SEC16A: variants seen among roughly 807,000 people sequenced by gnomAD.
SEC16A encodes SEC16 homolog A, endoplasmic reticulum export factor, also known as protein transport protein Sec16A.
A neutral mutation model predicts 221.9 loss-of-function variants in SEC16A; 110 were observed. The observed-to-expected ratio is 0.50, with a 90% CI of 0.42 to 0.58. The LOEUF is 0.58. Ranked by LOEUF, SEC16A falls within the 20% of genes least tolerant of loss-of-function variation. The pLI is 0.00. For missense variants in SEC16A, 3,165 were observed against 3,097.8 expected (o/e 1.02, Z -0.52); for synonymous variants, 1,393 against 1,257.7 (o/e 1.11, Z -2.28).
At position 136,466,765 on chromosome 9, in the gene SEC16A, C is replaced by T. The variant is rs1020075644; in HGVS notation, c.3929+192G>A. The stretch of plus-strand genomic sequence containing the variant: ...CAGTCCTCTTGCTGAGGCCAGTTCT[C>T]CTCTAACAGTCCAAGCTGGGAACCC... On this transcript the variant is annotated intron_variant, in intron 6 of 31. Coordinates refer to ENST00000684901, the MANE Select transcript of SEC16A (RefSeq NM_014866.2). The surrounding 1 kb of genome is among the most constrained non-coding windows in gnomAD (Gnocchi z 5.5). 1.3e-5 allele frequency among the ~76,000 whole-genome samples: 2 copies of T among 152,206 alleles called. No homozygotes were observed. The highest frequency in any genetic ancestry group is 2.9e-5 in the Non-Finnish European group (2 of 68,040).
intron 12 of SEC16A, among the ~76,000 whole-genome samples, chr9:136,462,505 T>A (rs1304259470): frequency 6.6e-6 from 1 of 152,140 alleles, no homozygotes. Flanking sequence ...CCCTCCCAAC[T>A]CCCAATGACT....
Position 136,453,529 on chromosome 9 carries a change from G to A in SEC16A, c.6077-19C>T, listed in dbSNP as rs780451876. 1 of 1,598,992 alleles carries A rather than the reference G, an allele frequency of 6.3e-7. No homozygotes were observed. Among genetic ancestry groups the A allele is most frequent in the Non-Finnish European group, 8.6e-7 (1 of 1,166,886 alleles). On this transcript the variant is annotated intron_variant, in intron 21 of 31. Coordinates refer to ENST00000684901, the MANE Select transcript of SEC16A (RefSeq NM_014866.2). ...ACTATCCCTGTCAACGGGAAAGAGA[G>A]CAACTATGATCTCAGTCACGAGAAG...
upstream of SEC16A, chr9:136,483,670 G>A (rs1053393676): frequency 5.1e-6 from 5 of 985,502 alleles, no homozygotes; most frequent in South Asian, 1.9e-4. Flanking sequence ...AAATCAGTCT[G>A]CAGGACCGAT....
intron 31 of SEC16A, 62 bp from the exon 32 acceptor site, chr9:136,441,885 TGC>T (rs1836236838): frequency 6.9e-7 from 1 of 1,442,346 alleles, no homozygotes; most frequent in South Asian, 1.1e-5. Flanking sequence ...AGTGCTCGGC[TGC>T]AGCGTGGCAG....
chr9:136,456,105 A>C lies in SEC16A; in HGVS notation c.5612T>G (p.Leu1871Trp). Residue 1871 changes from leucine to tryptophan, a missense_variant, in exon 19 of 32, where the codon TTG (leucine) becomes TGG (tryptophan). Leu to Trp is a moderately conservative substitution (Grantham distance 61, BLOSUM62 -2). Around this residue, in one of 3 missense-constraint regions of SEC16A, gnomAD observed 1,088 missense variants for 1,089.6 expected, o/e 1.00. Coordinates refer to ENST00000684901, the MANE Select transcript of SEC16A (RefSeq NM_014866.2). ...GTGAACCAGCCACGTGGGTGCGGCCAAGGACTCCTCTTCTGGCTTCTCTTT... is the reference window on the plus strand; with the variant it reads ...GTGAACCAGCCACGTGGGTGCGGCCCAGGACTCCTCTTCTGGCTTCTCTTT... ...QLKEKPEEES[L>W]AAPTWLVHLQ... 1 of 1,612,956 alleles carries C rather than the reference A, an allele frequency of 6.2e-7. No homozygotes were observed. The highest frequency in any genetic ancestry group is 8.5e-7 in the Non-Finnish European group (1 of 1,179,826).
At position 136,464,511 on chromosome 9, in the gene SEC16A, G is replaced by A. The variant is rs761133373; in HGVS notation, c.4355C>T (p.Ala1452Val). ...AAGCTGACCGCCAGGGCCAAACCTG[G>A]CACAGACATGAGGCACTGAAAATTT... ...PEKFSVPHVC[A>V]RFGPGGQLIK... is the part of the protein sequence containing the mutation. Residue 1452 changes from alanine to valine, a missense_variant, in exon 9 of 32, where the codon GCC becomes GTC. Ala to Val is a moderately conservative substitution (Grantham distance 64). Transcript: ENST00000684901. 1 of 1,611,664 alleles carries A rather than the reference G, an allele frequency of 6.2e-7. No individual in the cohort carries two copies. The highest frequency in any genetic ancestry group is 1.1e-5 in the South Asian group (1 of 91,038).
At chr9:136,463,826 C>A in intron 9 of SEC16A, 86 bp from the exon 10 acceptor site, 4 of 1,455,336 alleles carry the variant, frequency 2.7e-6, no homozygotes, top group Non-Finnish European at 3.8e-6. Flanking sequence ...GGATGCTGCC[C>A]GTGAGAGGAG....
At chr9:136,483,177 C>T, upstream of SEC16A, 1 of 272,090 alleles carries the variant, frequency 3.7e-6, no homozygotes, top group Non-Finnish European at 5.6e-6. Flanking sequence ...CATCCCTCGG[C>T]CCCGCCCCTC....
In SEC16A at chr9:136,447,365, C is replaced by A. The variant is rs764580929; in HGVS notation, c.6560-1G>T. ...TCAACGTAGCGAGCTCTGGTTCCTG[C>A]TGCAAAGGGGAGGGAAGCAAATTGA... On this transcript the variant is annotated splice_acceptor_variant, in intron 26 of 31. Transcript: ENST00000684901. LOFTEE classifies it high-confidence loss of function. The surrounding 1 kb of genome is among the most constrained non-coding windows in gnomAD (Gnocchi z 5.5). The A allele has an allele frequency of 1.9e-6, 3 of 1,598,242 alleles. No homozygotes were observed. The highest frequency in any genetic ancestry group is 2.6e-6 in the Non-Finnish European group (3 of 1,172,942).
rs1839216673 is a variant in SEC16A at position 136,459,734 on chromosome 9, G to A, written c.5191+23C>T. On this transcript the variant is annotated intron_variant, in intron 15 of 31. Transcript: ENST00000684901. The surrounding 1 kb of genome is among the most constrained non-coding windows in gnomAD (Gnocchi z 6.1). ...CGGCGCTCCATCCGCGACACCCAATGCCCATCTCCACCCCTGACCTACCCA... is the reference window on the plus strand; with the variant it reads ...CGGCGCTCCATCCGCGACACCCAATACCCATCTCCACCCCTGACCTACCCA... 6.4e-7 allele frequency: 1 copy of A among 1,564,784 alleles called. No individual in the cohort carries two copies. The highest frequency in any genetic ancestry group is 8.7e-7 in the Non-Finnish European group (1 of 1,145,872).
chr9:136,453,410 G>A lies in SEC16A; in HGVS notation c.6159+18C>T, dbSNP rs766366531. 17 of 1,600,392 alleles carry A rather than the reference G, an allele frequency of 1.1e-5. No individual in the cohort carries two copies. The highest frequency in any genetic ancestry group is 9.9e-5 in the South Asian group (9 of 90,764). Reference sequence around the variant, plus strand: ...ACTTTATGGAAAACAAACAGTTTAAGAAAATGTGACAAAGTACCAGATTAG... The same window carrying A: ...ACTTTATGGAAAACAAACAGTTTAAAAAAATGTGACAAAGTACCAGATTAG... On this transcript the variant is annotated intron_variant, in intron 22 of 31. Transcript: ENST00000684901.
chr9:136,479,691 T>C (rs1842081277), intron 1 of SEC16A, among the ~76,000 whole-genome samples: 1 of 152,162 alleles, frequency 6.6e-6, no homozygotes, highest in African/African-American at 2.4e-5. Flanking sequence ...TTTTGGTCTC[T>C]TGGAAATCTT....
chr9:136,453,183 T>C (rs2132058770), intron 22 of SEC16A, among the ~76,000 whole-genome samples: 1 of 152,334 alleles, frequency 6.6e-6, no homozygotes, highest in South Asian at 2.1e-4. Context: ...GTATTTCTTC[T>C]ACTTAAAGTA....
intron 13 of SEC16A, 85 bp downstream of exon 13, chr9:136,461,092 G>C: frequency 9.7e-7 from 1 of 1,033,882 alleles, no homozygotes; most frequent in Non-Finnish European, 1.5e-6. Context: ...AGATCCGCCT[G>C]CCGCCTGCCC....
Position 136,475,452 on chromosome 9 carries a change from C to G in SEC16A, c.2164G>C (p.Ala722Pro), listed in dbSNP as rs377428798. 8.1e-6 allele frequency: 13 copies of G among 1,609,536 alleles called. No homozygotes were observed. Among genetic ancestry groups the G allele is most frequent in the African/African-American group, 1.3e-5 (1 of 74,774 alleles). Reference sequence around the variant, plus strand: ...TCACTTTGCGCCCACAGAGTCGTTGCTGGGCTCTCACACTTCACGGGCCCC... The same window carrying G: ...TCACTTTGCGCCCACAGAGTCGTTGGTGGGCTCTCACACTTCACGGGCCCC... ...TQGPVKCESP[A>P]TTLWAQSELP... The change falls in exon 3 of 32, where the codon GCA becomes CCA. Residue 722 changes from alanine to proline, a missense_variant. Coordinates refer to ENST00000684901, the MANE Select transcript of SEC16A (RefSeq NM_014866.2). The surrounding 1 kb of genome is among the most constrained non-coding windows in gnomAD (Gnocchi z 5.0).
intron 4 of SEC16A, among the ~76,000 whole-genome samples, chr9:136,468,852 C>A (rs1840490570): frequency 6.6e-6 from 1 of 152,030 alleles, no homozygotes; most frequent in African/African-American, 2.4e-5. Context: ...ATGGACTGAG[C>A]TTTCTTTTTT....
In SEC16A at chr9:136,460,050, C is replaced by T. The variant is rs773116220; in HGVS notation, c.5065G>A (p.Ala1689Thr). 12 of 1,603,406 alleles carry T rather than the reference C, an allele frequency of 7.5e-6. No homozygotes were observed. The highest frequency in any genetic ancestry group is 6.8e-5 in the Admixed American group (4 of 58,432). Residue 1689 changes from alanine (A) to threonine (T), a missense_variant, in exon 14 of 32, where the codon GCG (alanine) becomes ACG (threonine). Ala to Thr is a moderately conservative substitution (Grantham distance 58). Coordinates refer to ENST00000684901, the MANE Select transcript of SEC16A (RefSeq NM_014866.2). The stretch of plus-strand genomic sequence containing the variant: ...CAGGCAGTGCCACTCACCGTGGACG[C>T]GGCAGGCATCCGTCCGGACATGAGC... ...YQLMSGRMPA[A>T]STCCGDEKWG...
chr9:136,455,619 C>CGCTCGGGCTCGAGTGCTCAGG lies in SEC16A; in HGVS notation c.5818_5838dup (p.Pro1940_Ser1946dup). ...GGCTCACCTGAGGGCAGCAGCCGCA[C>CGCTCGGGCTCGAGTGCTCAGG]GCTCGGGCTCGAGTGCTCAGGGCTC... On this transcript the variant is annotated inframe_insertion, in exon 20 of 32. Transcript: ENST00000684901. 1 of 1,574,678 alleles carries CGCTCGGGCTCGAGTGCTCAGG rather than the reference C, an allele frequency of 6.4e-7. No individual in the cohort carries two copies. The highest frequency in any genetic ancestry group is 2.1e-4 in the Middle Eastern group (1 of 4,774).
rs141081927 is a variant in SEC16A at position 136,453,723 on chromosome 9, T to C, written c.6077-213A>G. ...GTTTTGCTTTGTCCATATACACACA[T>C]GTAGACATAGGCACAGACCAGGGAC... On this transcript the variant is annotated intron_variant, in intron 21 of 31. Transcript: ENST00000684901. 9.5e-3 allele frequency among the ~76,000 whole-genome samples: 1,441 copies of C among 152,330 alleles called. 9 individuals are homozygous for C. The highest frequency in any genetic ancestry group is 0.028 in the South Asian group (134 of 4,828).
Sources: allele counts gnomAD v4.1 joint callset (sites outside exome capture counted in the v4.1 genomes callset), GRCh38; gene constraint gnomAD v4.1.1; regional missense constraint gnomAD v4.1.1; non-coding constraint Gnocchi (gnomAD v3.1); transcripts MANE v1.5; gene names NCBI Gene and HGNC (gene_info 2026-07-23, HGNC 2026-07-21).